GABRB3: variants seen among roughly 807,000 people sequenced by gnomAD.
GABRB3 encodes gamma-aminobutyric acid receptor subunit beta-3.
A neutral mutation model predicts 52.1 loss-of-function variants in GABRB3; 14 were observed. The observed-to-expected ratio is 0.27, with a 90% confidence interval of 0.18 to 0.42. GABRB3 has a LOEUF of 0.42. Ranked by LOEUF, GABRB3 falls within the 10% of genes least tolerant of loss-of-function variation. The pLI is 1.00. For synonymous variants in GABRB3, 260 were observed against 232.3 expected (o/e 1.12, Z -1.08); for missense variants, 307 against 609.1 (o/e 0.50, Z 5.22).
intron 3 of GABRB3, among the ~76,000 whole-genome samples, chr15:26,712,521 T>C (rs555845499): frequency 1.3e-5 from 2 of 152,084 alleles, no homozygotes; most frequent in South Asian, 4.2e-4. Context: ...ACTATAGGAT[T>C]CTCTGACGAA....
chr15:26,552,827 G>A (rs1459549527), intron 8 of GABRB3, among the ~76,000 whole-genome samples: 5 of 152,218 alleles, frequency 3.3e-5, no homozygotes, highest in Non-Finnish European at 7.3e-5. Context: ...TGGGAATGTT[G>A]TTGTGGAGAG....
chr15:26,773,757 C>T, upstream of GABRB3: 1 of 1,540,866 alleles, frequency 6.5e-7, no homozygotes, highest in Non-Finnish European at 8.8e-7. Flanking sequence ...CTGCTGGGAT[C>T]CGCTCTCCCC....
chr15:26,580,591 G>C (rs1165141938), intron 5 of GABRB3, 135 bp from the exon 6 acceptor site: 4 of 1,110,254 alleles, frequency 3.6e-6, no homozygotes, highest in African/African-American at 1.5e-5. Context: ...TTGTCTAGGG[G>C]AAGTGTCATC....
At chr15:26,749,371 T>C (rs1476399275) in intron 3 of GABRB3, among the ~76,000 whole-genome samples, 2 of 152,248 alleles carry the variant, frequency 1.3e-5, no homozygotes, top group Non-Finnish European at 2.9e-5. Context: ...GATTTCACTA[T>C]GCTTAGAAAA....
intron 3 of GABRB3, among the ~76,000 whole-genome samples, chr15:26,770,699 T>A (rs1401956310): frequency 2.6e-5 from 4 of 152,234 alleles, no homozygotes; most frequent in Admixed American, 6.5e-5. Flanking sequence ...ACATAATTAT[T>A]TTTGACATAA....
intron 3 of GABRB3, among the ~76,000 whole-genome samples, chr15:26,643,622 C>CTGTG (rs57144395): frequency 0.037 from 5,547 of 149,568 alleles, 188 homozygotes; most frequent in African/African-American, 0.089. Context: ...TTTCATGACA[C>CTGTG]TGTGTGTGTG....
chr15:26,559,777 AG>A (rs1305456764), intron 8 of GABRB3, among the ~76,000 whole-genome samples: 1 of 152,216 alleles, frequency 6.6e-6, no homozygotes, highest in Non-Finnish European at 1.5e-5. Flanking sequence ...CAAGGGCTTT[AG>A]AAAGTTCATG....
intron 3 of GABRB3, among the ~76,000 whole-genome samples, chr15:26,709,557 G>A (rs1265114498): frequency 1.8e-5 from 2 of 111,722 alleles, no homozygotes; most frequent in South Asian, 3.0e-4. Context: ...TTGCTCTGTC[G>A]CCCAGACTGG....
intron 4 of GABRB3, among the ~76,000 whole-genome samples, chr15:26,619,241 C>T (rs1423379931): frequency 1.3e-5 from 2 of 151,642 alleles, no homozygotes; most frequent in East Asian, 1.9e-4. Flanking sequence ...TGGCACTATT[C>T]ACAATAGCAA....
intron 3 of GABRB3, among the ~76,000 whole-genome samples, chr15:26,643,428 A>G (rs775371976): frequency 1.3e-5 from 2 of 152,208 alleles, no homozygotes; most frequent in African/African-American, 2.4e-5. Context: ...GAGTCACTCC[A>G]TACAGCAAAC....
chr15:26,766,232 A>G (rs1019445760), intron 3 of GABRB3, among the ~76,000 whole-genome samples: 2 of 152,230 alleles, frequency 1.3e-5, no homozygotes, highest in African/African-American at 4.8e-5. Flanking sequence ...TGCAATGATC[A>G]GCATGCATAA....
intron 3 of GABRB3, chr15:26,767,085 T>A (rs899785086): frequency 2.4e-4 from 36 of 152,230 alleles, no homozygotes; most frequent in African/African-American, 8.7e-4. Context: ...AGCATTGATG[T>A]ATGATCATAA....
intron 3 of GABRB3, among the ~76,000 whole-genome samples, chr15:26,662,660 A>C (rs1887587288): frequency 6.6e-6 from 1 of 152,164 alleles, no homozygotes; most frequent in South Asian, 2.1e-4. Context: ...AGCTCGCCCC[A>C]GCAATCACAA....
At chr15:26,640,500 G>C (rs939786762) in intron 3 of GABRB3, among the ~76,000 whole-genome samples, 2 of 152,110 alleles carry the variant, frequency 1.3e-5, no homozygotes, top group Non-Finnish European at 2.9e-5. Flanking sequence ...CTGGGCGACA[G>C]AGCGAGACTC....
chr15:26,653,324 A>T (rs1259773740), intron 3 of GABRB3, among the ~76,000 whole-genome samples: 15 of 152,176 alleles, frequency 9.9e-5, no homozygotes, highest in Non-Finnish European at 1.5e-5. Context: ...AAAACCTAAG[A>T]TTGGTGTTCA....
chr15:26,638,735 T>G (rs1204818268), intron 3 of GABRB3, among the ~76,000 whole-genome samples: 1 of 152,252 alleles, frequency 6.6e-6, no homozygotes, highest in East Asian at 1.9e-4. Context: ...TATTTTTGCA[T>G]GTAATCAGTC....
At chr15:26,708,506 C>G (rs752403602) in intron 3 of GABRB3, among the ~76,000 whole-genome samples, 11 of 152,108 alleles carry the variant, frequency 7.2e-5, no homozygotes, top group Non-Finnish European at 1.5e-4. Flanking sequence ...GCTGCTTCCA[C>G]AAAGAGAGTC....
chr15:26,746,578 T>G (rs112510972), intron 3 of GABRB3, among the ~76,000 whole-genome samples: 1 of 140,408 alleles, frequency 7.1e-6, no homozygotes, highest in African/African-American at 2.7e-5. Context: ...TAAGTCCGTT[T>G]TTTGTTTTTT....
chr15:26,554,813 C>A (rs553778888), intron 8 of GABRB3, among the ~76,000 whole-genome samples: 1 of 152,108 alleles, frequency 6.6e-6, no homozygotes, highest in East Asian at 1.9e-4. Context: ...GTTGGGAGAA[C>A]AGAAATAAAA....
Sources: gnomAD v4.1 joint callset for allele counts (sites outside exome capture counted in the v4.1 genomes callset) on GRCh38, gnomAD v4.1.1 for gene constraint, MANE v1.5 for transcripts, NCBI Gene and HGNC (gene_info 2026-07-23, HGNC 2026-07-21) for gene names.